RSRC2: variants seen among roughly 807,000 people sequenced by gnomAD.
The protein encoded by RSRC2 is arginine/serine-rich coiled-coil protein 2.
Under a neutral mutation model 61.3 loss-of-function variants are expected in RSRC2, and 5 were observed. That is an observed-to-expected ratio of 0.08 (90% CI 0.04 to 0.17). The LOEUF (loss-of-function observed/expected upper bound fraction) is 0.17, where lower values mean the gene tolerates loss of function less well. Among genes scored for constraint, RSRC2 ranks in the 10% least tolerant of loss-of-function variants. RSRC2 has a pLI of 1.00. For missense variants in RSRC2, 381 were observed against 518.8 expected (o/e 0.73, Z 2.58); for synonymous variants, 202 against 166.5 (o/e 1.21, Z -1.64).
intron 2 of RSRC2, among the ~76,000 whole-genome samples, chr12:122,521,692 C>T (rs934686789): frequency 3.9e-5 from 6 of 152,096 alleles, no homozygotes; most frequent in Non-Finnish European, 5.9e-5. Context: ...ATATTCTGAC[C>T]AGCCCATCTA....
intron 3 of RSRC2, chr12:122,520,284 C>A: frequency 7.7e-6 from 2 of 260,738 alleles, no homozygotes; most frequent in Non-Finnish European, 1.5e-5. Context: ...GTTTCATTGC[C>A]AGTTCTCTAT....
At chr12:122,511,587 G>A (rs1021462965) in intron 6 of RSRC2, among the ~76,000 whole-genome samples, 1 of 152,150 alleles carries the variant, frequency 6.6e-6, no homozygotes, top group Admixed American at 6.5e-5. Context: ...AGCCGATCAA[G>A]ACATTCGGAT....
intron 5 of RSRC2, among the ~76,000 whole-genome samples, chr12:122,516,394 A>T (rs1048280290): frequency 3.3e-5 from 5 of 152,202 alleles, no homozygotes; most frequent in Non-Finnish European, 5.9e-5. Context: ...TTACAAACAA[A>T]ATCTGAGGTA....
At chr12:122,507,040 G>T (rs114765919) in intron 8 of RSRC2, 117 bp from the exon 9 acceptor site, 1 of 687,044 alleles carries the variant, frequency 1.5e-6, no homozygotes, top group Non-Finnish European at 2.6e-6. Context: ...TTCAATCAAT[G>T]TAAGTTTAAT....
Position 122,504,220 on chromosome 12 carries a change from T to C in RSRC2, c.*1307A>G, listed in dbSNP as rs1958000943. The stretch of plus-strand genomic sequence containing the variant: ...TCATTCTGTGATGTTTTCCAAAGGA[T>C]TTTTCAAAGGAAAGCCAAACCTTAT... On this transcript the variant is annotated 3_prime_UTR_variant, in exon 10 of 10. Transcript: ENST00000331738. 6.6e-6 allele frequency: 1 copy of C among 152,184 alleles called. No individual in the cohort carries two copies. The highest frequency in any genetic ancestry group is 1.9e-4 in the East Asian group (1 of 5,202). 9.4% of individuals were successfully genotyped at this position (152,184 alleles called of 1,614,324 possible).
intron 6 of RSRC2, chr12:122,514,011 G>A (rs1387115558): frequency 6.5e-6 from 1 of 153,288 alleles, no homozygotes; most frequent in Admixed American, 6.5e-5. Context: ...TCCAGCCTGG[G>A]TGGGACCCTG....
Position 122,517,270 on chromosome 12 carries a change from T to C in RSRC2, c.559A>G (p.Arg187Gly), listed in dbSNP as rs151118583. The change falls in exon 5 of 10, where the codon AGG (arginine) becomes GGG (glycine). Residue 187 changes from arginine (R) to glycine (G), a missense_variant. By Grantham distance (125) the Arg-to-Gly change is moderately radical. Around this residue, in one of 4 missense-constraint regions of RSRC2, gnomAD observed 266 missense variants for 270.5 expected, o/e 0.98. Coordinates refer to ENST00000331738, the MANE Select transcript of RSRC2 (RefSeq NM_023012.6). ...RSRSRSRSRH[R>G]HRTRSRSRTR... ...CTACTCCTGCTTCTAGTCCTATGCC[T>C]GTGTCTTGATCTTGAGCGGGAACGA... The C allele has an allele frequency of 2.5e-6, 4 of 1,614,056 alleles. No homozygotes were observed. In the African/African-American group the frequency reaches 4.0e-5, roughly 16 times the overall value.
chr12:122,508,277 T>C lies in RSRC2; in HGVS notation c.976A>G (p.Met326Val), dbSNP rs774398212. The change falls in exon 8 of 10, where the codon ATG becomes GTG. Residue 326 changes from methionine to valine, a missense_variant. Physicochemically the swap from Met to Val is conservative, Grantham distance 21 (BLOSUM62 1). This residue lies in a region of RSRC2 where 78 missense variants were observed against 183.0 expected (regional missense o/e 0.43). Transcript: ENST00000331738. ...SYYNPAAVNP[M>V]KFAEQEKKRK... The stretch of plus-strand genomic sequence containing the variant: ...TTTTTCTCTTGTTCAGCAAATTTCA[T>C]TGGATTAACAGCGGCTGGGTTATAG... The C allele has an allele frequency of 9.3e-6, 15 of 1,614,228 alleles. No individual in the cohort carries two copies. The highest frequency in any genetic ancestry group is 1.2e-5 in the Non-Finnish European group (14 of 1,180,040).
intron 1 of RSRC2, chr12:122,522,969 T>C (rs868639137): frequency 6.6e-6 from 1 of 152,108 alleles, no homozygotes; most frequent in Non-Finnish European, 1.5e-5. Context: ...ACAATATAAA[T>C]TTTACAAGTT....
chr12:122,515,655 T>C (rs1200852767), intron 5 of RSRC2, among the ~76,000 whole-genome samples: 3 of 152,178 alleles, frequency 2.0e-5, no homozygotes, highest in Non-Finnish European at 2.9e-5. Flanking sequence ...CTACAGTGAA[T>C]TTGTAGATGT....
intron 9 of RSRC2, among the ~76,000 whole-genome samples, chr12:122,506,033 G>GC (rs1179402941): frequency 6.6e-6 from 1 of 151,888 alleles, no homozygotes; most frequent in Non-Finnish European, 1.5e-5. Context: ...CCTGCCGCCT[G>GC]CCCCCCGGCC....
In RSRC2 at chr12:122,505,302, T is replaced by G. The variant is rs1023156506; in HGVS notation, c.*225A>C. On this transcript the variant is annotated 3_prime_UTR_variant, in exon 10 of 10. Coordinates refer to ENST00000331738, the MANE Select transcript of RSRC2 (RefSeq NM_023012.6). ...AAAGTAGAATTCATGAACTAAAAAA[T>G]ATTATCCTTCTATAGTCCTGTCAAG... The G allele has an allele frequency of 5.1e-6, 2 of 391,860 alleles. No individual in the cohort carries two copies. Among genetic ancestry groups the G allele is most frequent in the African/African-American group, 4.1e-5 (2 of 48,462 alleles). The allele number at this position is 391,860 out of a possible 1,614,324, so 24.3% of individuals were successfully genotyped here. A position where few individuals can be genotyped will look rare whatever the true frequency, so the allele number is the denominator to read the frequency against.
chr12:122,522,033 T>C, intron 2 of RSRC2, 110 bp downstream of exon 2: 3 of 1,173,808 alleles, frequency 2.6e-6, no homozygotes, highest in Admixed American at 2.5e-5. Context: ...CATTACAGGC[T>C]TGAGCCACCA....
chr12:122,526,708 A>C, intron 1 of RSRC2, 140 bp downstream of exon 1: 69 of 745,476 alleles, frequency 9.3e-5, no homozygotes, highest in Middle Eastern at 2.8e-4. Context: ...GCAGGCAGCC[A>C]TGATGGCGGG....
intron 1 of RSRC2, among the ~76,000 whole-genome samples, chr12:122,524,947 C>T (rs1251694134): frequency 6.6e-6 from 1 of 152,076 alleles, no homozygotes; most frequent in African/African-American, 2.4e-5. Flanking sequence ...AATAACGGCT[C>T]GAAACATAGA....
intron 4 of RSRC2, among the ~76,000 whole-genome samples, chr12:122,518,604 A>AG (rs397807218): frequency 2.0e-5 from 3 of 150,824 alleles, no homozygotes; most frequent in South Asian, 2.1e-4. Flanking sequence ...AAAAAAAAAA[A>AG]GGGAAAAGAA....
intron 7 of RSRC2, 36 bp from the exon 8 acceptor site, chr12:122,508,483 G>T (rs373693700): frequency 7.4e-6 from 11 of 1,486,426 alleles, no homozygotes; most frequent in African/African-American, 1.4e-5. Context: ...ATTTTAAAAC[G>T]ATTTTAAAAC....
intron 9 of RSRC2, among the ~76,000 whole-genome samples, chr12:122,505,956 T>C (rs1401141127): frequency 1.3e-5 from 2 of 152,070 alleles, no homozygotes; most frequent in African/African-American, 2.4e-5. Context: ...TTTTTGTATT[T>C]TCAGTAGAGA....
intron 3 of RSRC2, 117 bp from the exon 4 acceptor site, chr12:122,519,146 A>C: frequency 2.7e-6 from 2 of 747,624 alleles, no homozygotes; most frequent in Non-Finnish European, 4.3e-6. Flanking sequence ...AGTGTGTGGC[A>C]AATAAAAAAA....
Sources: gnomAD v4.1 joint callset for allele counts (sites outside exome capture counted in the v4.1 genomes callset) on GRCh38, gnomAD v4.1.1 for gene constraint, gnomAD v4.1.1 regional missense constraint, MANE v1.5 for transcripts, NCBI Gene and HGNC (gene_info 2026-07-23, HGNC 2026-07-21) for gene names.